The following PIGU variants were observed in gnomAD, a reference collection of about 807,000 sequenced individuals.
The protein encoded by PIGU is phosphatidylinositol glycan anchor biosynthesis class U.
A neutral mutation model predicts 49.9 loss-of-function variants in PIGU; 24 were observed. The observed-to-expected ratio is 0.48, with a 90% CI of 0.35 to 0.68. The LOEUF (loss-of-function observed/expected upper bound fraction) is 0.68. PIGU is among the 30% of genes least tolerant of loss of function. PIGU has a pLI of 0.01. For missense variants in PIGU, 490 were observed against 532.6 expected, an observed-to-expected ratio of 0.92 and a Z score of 0.79; for synonymous variants, 220 against 205.7, an observed-to-expected ratio of 1.07 and a Z score of -0.59.
intron 4 of PIGU, among the ~76,000 whole-genome samples, chr20:34,642,390 T>C (rs1328381645): frequency 6.6e-6 from 1 of 152,008 alleles, no homozygotes; most frequent in Non-Finnish European, 1.5e-5. Flanking sequence ...TTTAAAGAAT[T>C]TTTTGTAGAG....
In PIGU at chr20:34,628,830, G is replaced by A. The variant is rs9753765; in HGVS notation, c.529+5785C>T. On this transcript the variant is annotated intron_variant, in intron 6 of 11. Coordinates refer to ENST00000217446, the MANE Select transcript of PIGU (RefSeq NM_080476.5). ...CATGTCACTGCACTCCAACCTGGGC[G>A]ACAGAGCGAGACTGTCTCAAAAAAC... Among the ~76,000 whole-genome samples, 1,062 of 152,202 alleles carry A rather than the reference G, an allele frequency of 7.0e-3. 16 individuals carry two copies. The highest frequency in any genetic ancestry group is 0.025 in the African/African-American group (1,026 of 41,530).
intron 6 of PIGU, among the ~76,000 whole-genome samples, chr20:34,617,503 T>G (rs1241470656): frequency 6.6e-6 from 1 of 152,250 alleles, no homozygotes; most frequent in African/African-American, 2.4e-5. Context: ...TGTAGCCCCT[T>G]TGGTTTGGCC....
Position 34,560,981 on chromosome 20 carries a change from TGG to T in PIGU, c.1195-4_1195-3del, listed in dbSNP as rs757562636. On this transcript the variant is annotated splice_polypyrimidine_tract_variant and splice_region_variant and intron_variant, in intron 11 of 11. Transcript: ENST00000217446. Reference sequence around the variant, plus strand: ...GAAGTAATCAGAGATGAGCAGGATCTGGGGGGAGAGAGAGGGTGTGAGGCGCT... The same window carrying T: ...GAAGTAATCAGAGATGAGCAGGATCTGGGGAGAGAGAGGGTGTGAGGCGCT... The T allele has an allele frequency of 6.3e-7, 1 of 1,595,464 alleles. No individual in the cohort carries two copies. Among genetic ancestry groups the T allele is most frequent in the South Asian group, 1.1e-5 (1 of 90,536 alleles).
At chr20:34,638,318 C>A (rs1986035121) in intron 4 of PIGU, among the ~76,000 whole-genome samples, 1 of 152,226 alleles carries the variant, frequency 6.6e-6, no homozygotes, top group Admixed American at 6.5e-5. Context: ...ACCCCACACC[C>A]AGGTAAAATC....
intron 10 of PIGU, among the ~76,000 whole-genome samples, chr20:34,580,036 T>TG (rs1187809224): frequency 3.3e-5 from 5 of 152,198 alleles, no homozygotes; most frequent in Non-Finnish European, 7.3e-5. Flanking sequence ...TAAGAACACA[T>TG]GGGGCTCGTA....
chr20:34,641,513 T>C (rs1986163189), intron 4 of PIGU, among the ~76,000 whole-genome samples: 1 of 152,174 alleles, frequency 6.6e-6, no homozygotes. Context: ...ACTAACATTG[T>C]TTTTGTCAAG....
chr20:34,653,906 G>A (rs1427321985), intron 2 of PIGU, among the ~76,000 whole-genome samples: 2 of 151,562 alleles, frequency 1.3e-5, no homozygotes, highest in Non-Finnish European at 2.9e-5. Flanking sequence ...CACCCAGGCT[G>A]GAGTGCAGTG....
intron 7 of PIGU, 74 bp from the exon 8 acceptor site, chr20:34,588,681 A>G (rs1983807676): frequency 7.1e-7 from 1 of 1,413,498 alleles, no homozygotes; most frequent in South Asian, 1.3e-5. Flanking sequence ...ACACTTAAAG[A>G]TCCCTCCCGC....
chr20:34,584,316 T>C (rs1158569476), intron 9 of PIGU, among the ~76,000 whole-genome samples: 4 of 152,094 alleles, frequency 2.6e-5, no homozygotes, highest in African/African-American at 9.7e-5. Flanking sequence ...TCAGCTCTCT[T>C]AGACTGCAGA....
chr20:34,561,373 C>A (rs1017592250), intron 11 of PIGU, among the ~76,000 whole-genome samples: 1 of 152,204 alleles, frequency 6.6e-6, no homozygotes, highest in African/African-American at 2.4e-5. Flanking sequence ...TCCATGCCCC[C>A]ATCTTCCAGC....
chr20:34,631,721 CCATATATATATATATATATA>C (rs1985720522), intron 6 of PIGU, among the ~76,000 whole-genome samples: 12 of 46,152 alleles, frequency 2.6e-4, no homozygotes, highest in African/African-American at 7.3e-4. Context: ...GTCCGGCTAA[CCATATATATATATATATATA>C]TATATATATA....
At chr20:34,618,907 G>T (rs1600633483) in intron 6 of PIGU, among the ~76,000 whole-genome samples, 1 of 152,348 alleles carries the variant, frequency 6.6e-6, no homozygotes, top group South Asian at 2.1e-4. Flanking sequence ...AACAGGAAGA[G>T]ATTATTGATG....
chr20:34,587,581 C>G (rs1324398498), intron 8 of PIGU, among the ~76,000 whole-genome samples: 2 of 152,078 alleles, frequency 1.3e-5, no homozygotes, highest in Non-Finnish European at 2.9e-5. Flanking sequence ...TGCTAGTACT[C>G]AAGAAAAGAA....
At chr20:34,665,900 A>G (rs1339910496) in intron 1 of PIGU, among the ~76,000 whole-genome samples, 1 of 152,156 alleles carries the variant, frequency 6.6e-6, no homozygotes, top group African/African-American at 2.4e-5. Flanking sequence ...TCTAATATAT[A>G]TAAAAATGTT....
chr20:34,656,495 G>A (rs1407020512), intron 2 of PIGU, among the ~76,000 whole-genome samples: 1 of 150,486 alleles, frequency 6.6e-6, no homozygotes. Flanking sequence ...TGTTAGCCAG[G>A]ATGGTTTCGA....
At chr20:34,650,698 C>CTTTTTTTT (rs1568658806) in intron 2 of PIGU, among the ~76,000 whole-genome samples, 12 of 43,940 alleles carry the variant, frequency 2.7e-4, no homozygotes, top group Non-Finnish European at 1.9e-4. Context: ...TTCTTTTTTT[C>CTTTTTTTT]TCTTTTTTTT....
At chr20:34,578,189 AG>A (rs777572552) in intron 10 of PIGU, among the ~76,000 whole-genome samples, 2 of 152,176 alleles carry the variant, frequency 1.3e-5, no homozygotes, top group Non-Finnish European at 2.9e-5. Context: ...ACTGGCCTGG[AG>A]GGCTTGCAAG....
At chr20:34,580,389 C>T (rs1225817018) in intron 10 of PIGU, among the ~76,000 whole-genome samples, 3 of 152,354 alleles carry the variant, frequency 2.0e-5, no homozygotes, top group Admixed American at 6.5e-5. Flanking sequence ...CACCTGCAGG[C>T]GTAGCCCTGG....
Position 34,644,182 on chromosome 20 carries a change from C to T in PIGU, c.300G>A (p.Gln100=). Residue 100 remains glutamine, a synonymous_variant, in exon 4 of 12, where the codon CAG becomes CAA. Coordinates refer to ENST00000217446, the MANE Select transcript of PIGU (RefSeq NM_080476.5). ...TACTTACCACAACTTTATTGAAGTC[C>T]TGGATTGCAAAATACAGGGCAATAG... is the stretch of plus-strand genomic sequence containing the variant. ...LTAIALYFAI[Q]DFNKVVFKKQ... The T allele has an allele frequency of 6.2e-7, 1 of 1,610,912 alleles. No homozygotes were observed. The highest frequency in any genetic ancestry group is 8.5e-7 in the Non-Finnish European group (1 of 1,177,232).
Sources: gnomAD v4.1 joint callset for allele counts (sites outside exome capture counted in the v4.1 genomes callset) on GRCh38, gnomAD v4.1.1 for gene constraint, MANE v1.5 for transcripts, NCBI Gene and HGNC (gene_info 2026-07-23, HGNC 2026-07-21) for gene names.